THBS4: variants seen among roughly 807,000 people sequenced by gnomAD.
THBS4 encodes thrombospondin-4.
A neutral mutation model predicts 115.7 loss-of-function variants in THBS4; 90 were observed. The observed-to-expected ratio is 0.78, with a 90% CI of 0.66 to 0.93. THBS4 has a LOEUF of 0.93. THBS4 is among the 40% of genes least tolerant of loss of function. The pLI is 0.00. For missense variants in THBS4, 1,087 were observed against 1,232.7 expected (o/e 0.88, Z 1.77); for synonymous variants, 460 against 479.3 (o/e 0.96, Z 0.53).
At chr5:80,078,841 T>C (rs962588041) in intron 17 of THBS4, 80 bp from the exon 18 acceptor site, 4 of 1,401,930 alleles carry the variant, frequency 2.9e-6, no homozygotes, top group Non-Finnish European at 3.9e-6. Flanking sequence ...CTCACTCATA[T>C]GGTGCCTGAG....
chr5:80,033,158 CT>C, upstream of THBS4: 1 of 396,434 alleles, frequency 2.5e-6, no homozygotes, highest in Non-Finnish European at 5.1e-6. Context: ...AAACTGGCAC[CT>C]GGCATGATCA....
rs188102773 is a variant in THBS4 at position 80,059,667 on chromosome 5, C to T, written c.785-36C>T. ...TTTTGCCTTCTGTATATCTTCCTGG[C>T]GGTGAATACGCCTGTGGATGATTGT... On this transcript the variant is annotated intron_variant, in intron 6 of 21. Transcript: ENST00000350881. 4.4e-3 allele frequency: 7,115 copies of T among 1,608,216 alleles called. 20 individuals are homozygous for T. The highest frequency in any genetic ancestry group is 7.6e-3 in the Middle Eastern group (46 of 6,042).
intron 2 of THBS4, among the ~76,000 whole-genome samples, chr5:80,007,182 C>T (rs1291948926): frequency 6.6e-6 from 1 of 152,182 alleles, no homozygotes; most frequent in Non-Finnish European, 1.5e-5. Context: ...CATAAACGTG[C>T]AGACCCAGAC....
intron 5 of THBS4, 102 bp from the exon 6 acceptor site, chr5:80,059,338 A>AT (rs1833543822): frequency 8.7e-7 from 1 of 1,154,624 alleles, no homozygotes; most frequent in Non-Finnish European, 1.2e-6. Context: ...AAAAAAAAAA[A>AT]AAAAAAAAGT....
upstream of THBS4, chr5:80,035,319 T>G (rs1187429523): frequency 2.0e-5 from 3 of 153,422 alleles, no homozygotes; most frequent in South Asian, 2.2e-4. The surrounding 1 kb of genome is among the most constrained non-coding windows in gnomAD (Gnocchi z 4.6). Flanking sequence ...GGCCGCACCA[T>G]AAAGCGCCCG....
At chr5:80,011,240 G>A (rs1580908684) in intron 2 of THBS4, among the ~76,000 whole-genome samples, 1 of 152,262 alleles carries the variant, frequency 6.6e-6, no homozygotes, top group East Asian at 1.9e-4. Flanking sequence ...CAGCCACGTG[G>A]AACTGCAAGT....
At chr5:79,997,080 C>T (rs1831809313) in intron 1 of THBS4, among the ~76,000 whole-genome samples, 1 of 149,664 alleles carries the variant, frequency 6.7e-6, no homozygotes. Flanking sequence ...AGCAAGGGGC[C>T]AGCAGGGGAG....
At chr5:80,072,923 G>A (rs1288105778) in intron 14 of THBS4, among the ~76,000 whole-genome samples, 1 of 152,176 alleles carries the variant, frequency 6.6e-6, no homozygotes, top group Non-Finnish European at 1.5e-5. Context: ...GCAAATTGCA[G>A]AAGCAAAGCA....
At chr5:80,078,833 C>A in intron 17 of THBS4, 88 bp from the exon 18 acceptor site, 7 of 1,250,746 alleles carry the variant, frequency 5.6e-6, no homozygotes, top group Non-Finnish European at 6.7e-6. Flanking sequence ...ACTGGCCACT[C>A]ACTCATATGG....
chr5:80,063,270 T>G (rs536522275), intron 8 of THBS4, among the ~76,000 whole-genome samples: 1 of 152,190 alleles, frequency 6.6e-6, no homozygotes, highest in South Asian at 2.1e-4. Flanking sequence ...TTGATTTGCA[T>G]TTCTCTGATG....
At chr5:80,003,389 G>C (rs933608316) in intron 2 of THBS4, among the ~76,000 whole-genome samples, 21 of 152,098 alleles carry the variant, frequency 1.4e-4, no homozygotes, top group Non-Finnish European at 1.5e-4. Context: ...GAGAGAAAAA[G>C]GGAAGGAATG....
intron 7 of THBS4, 35 bp from the exon 8 acceptor site, chr5:80,061,660 G>A (rs1833638987): frequency 6.4e-7 from 1 of 1,559,700 alleles, no homozygotes; most frequent in Non-Finnish European, 8.7e-7. Context: ...TGTTTTCTCG[G>A]TGTGGCTAAA....
intron 16 of THBS4, 141 bp downstream of exon 16, chr5:80,077,189 T>C: frequency 2.6e-6 from 2 of 767,404 alleles, no homozygotes; most frequent in East Asian, 5.6e-5. Context: ...CTTCTCTGCA[T>C]AGCTGCAGCT....
chr5:80,032,253 G>T (rs572391789), upstream of THBS4, among the ~76,000 whole-genome samples: 1 of 152,110 alleles, frequency 6.6e-6, no homozygotes, highest in African/African-American at 2.4e-5. Context: ...ACTCCCTAGC[G>T]AATGGCTGCA....
At position 80,070,216 on chromosome 5, in the gene THBS4, A is replaced by T. The variant is rs1013971221; in HGVS notation, c.1348-90A>T. ...AGTGACTCTGGGCCCTCCCCCTGGGATTGAGCAAAGGAGCAGAGAGGCCCT... is the reference window on the plus strand; with the variant it reads ...AGTGACTCTGGGCCCTCCCCCTGGGTTTGAGCAAAGGAGCAGAGAGGCCCT... On this transcript the variant is annotated intron_variant, in intron 10 of 21. Transcript: ENST00000350881. 14 of 1,114,830 alleles carry T rather than the reference A, an allele frequency of 1.3e-5. No homozygotes were observed. In the African/African-American group the frequency reaches 2.2e-4, roughly 17 times the overall value. The allele number at this position is 1,114,830 out of a possible 1,614,324, so 69.1% of individuals were successfully genotyped here. A position where few individuals can be genotyped will look rare whatever the true frequency, so the allele number is the denominator to read the frequency against.
intron 1 of THBS4, 104 bp from the exon 2 acceptor site, chr5:80,039,973 A>G (rs1452226052): frequency 1.2e-5 from 12 of 989,596 alleles, no homozygotes; most frequent in Admixed American, 5.5e-5. Context: ...AGTTTACATT[A>G]CTTTGTAGCT....
intron 2 of THBS4, among the ~76,000 whole-genome samples, chr5:80,018,427 T>A (rs1046898377): frequency 3.4e-5 from 5 of 145,310 alleles, no homozygotes; most frequent in Non-Finnish European, 4.5e-5. Flanking sequence ...AGAGTTTTGC[T>A]CTTGTCACCC....
intron 2 of THBS4, among the ~76,000 whole-genome samples, chr5:80,003,582 A>G (rs1396985991): frequency 1.3e-5 from 2 of 152,218 alleles, no homozygotes; most frequent in Non-Finnish European, 2.9e-5. Flanking sequence ...AACATAAAGC[A>G]GTTCTTCCAG....
In THBS4 at chr5:80,042,830, G is replaced by A. The variant is rs558870456; in HGVS notation, c.292+2550G>A. Among the ~76,000 whole-genome samples the A allele has an allele frequency of 7.9e-4, 120 of 152,210 alleles. 1 individual carries two copies. In the South Asian group the frequency reaches 0.013, roughly 16 times the overall value. On this transcript the variant is annotated intron_variant, in intron 2 of 21. Transcript: ENST00000350881. ...AAAATACAAAAATTAGCCAGGCATGGCAGTATGTGCCTATAGTCACAGCTA... is the reference window on the plus strand; with the variant it reads ...AAAATACAAAAATTAGCCAGGCATGACAGTATGTGCCTATAGTCACAGCTA...
Sources: allele counts gnomAD v4.1 joint callset (sites outside exome capture counted in the v4.1 genomes callset), GRCh38; gene constraint gnomAD v4.1.1; non-coding constraint Gnocchi (gnomAD v3.1); transcripts MANE v1.5; gene names NCBI Gene and HGNC (gene_info 2026-07-23, HGNC 2026-07-21).